EFR3A: variants seen among roughly 807,000 people sequenced by gnomAD.
EFR3A encodes protein EFR3 homolog A.
In EFR3A, 76 loss-of-function variants were observed where a neutral mutation model predicts 104.4. The ratio of observed to expected loss-of-function variants is 0.73; its 90% CI spans 0.60 to 0.88. The LOEUF (loss-of-function observed/expected upper bound fraction) is 0.88. Ranked by LOEUF, EFR3A falls within the 40% of genes least tolerant of loss-of-function variation. The pLI is 0.00. For synonymous variants in EFR3A, 330 were observed against 330.0 expected, an observed-to-expected ratio of 1.00 and a Z score of 0.00; for missense variants, 985 against 1,012.5, an observed-to-expected ratio of 0.97 and a Z score of 0.37.
At chr8:131,905,613 C>T (rs1473248547) in intron 1 of EFR3A, among the ~76,000 whole-genome samples, 1 of 152,066 alleles carries the variant, frequency 6.6e-6, no homozygotes, top group East Asian at 1.9e-4. Context: ...GACTTCGCAT[C>T]CAGTAAATAT....
intron 8 of EFR3A, among the ~76,000 whole-genome samples, chr8:131,961,923 G>T (rs1371226489): frequency 3.3e-5 from 5 of 152,244 alleles, no homozygotes; most frequent in East Asian, 3.9e-4. Flanking sequence ...TTAAAGAAAA[G>T]AATTTTCAAC....
At chr8:131,944,451 A>G (rs1175858916) in intron 2 of EFR3A, among the ~76,000 whole-genome samples, 1 of 152,096 alleles carries the variant, frequency 6.6e-6, no homozygotes, top group Admixed American at 6.6e-5. Flanking sequence ...TTTTACATCT[A>G]TATCCCATTC....
chr8:131,985,697 C>G (rs1286207994), intron 16 of EFR3A, among the ~76,000 whole-genome samples: 1 of 152,126 alleles, frequency 6.6e-6, no homozygotes, highest in Non-Finnish European at 1.5e-5. Flanking sequence ...ATTCATTAAT[C>G]AGACATTTGA....
chr8:132,004,163 A>G (rs879392948), intron 22 of EFR3A, among the ~76,000 whole-genome samples: 4 of 152,122 alleles, frequency 2.6e-5, no homozygotes, highest in Non-Finnish European at 5.9e-5. Flanking sequence ...CATTCCTGCT[A>G]TACTCTCTTA....
intron 1 of EFR3A, among the ~76,000 whole-genome samples, chr8:131,937,381 A>T (rs962837828): frequency 1.3e-5 from 2 of 152,138 alleles, no homozygotes; most frequent in Admixed American, 6.6e-5. Flanking sequence ...AGCTGTATTG[A>T]ATAGATTACT....
rs1047480468 is a variant in EFR3A, at chr8:131,949,903, A to C, written c.367-66A>C. Reference sequence around the variant, plus strand: ...TGCTTGTTAATATGACAGTGTATGAAATTAAATGTATTTGGTTCACACTTC... The same window carrying C: ...TGCTTGTTAATATGACAGTGTATGACATTAAATGTATTTGGTTCACACTTC... On this transcript the variant is annotated intron_variant, in intron 4 of 22. Coordinates refer to ENST00000254624, the MANE Select transcript of EFR3A (RefSeq NM_015137.6). 40 of 1,364,708 alleles carry C rather than the reference A, an allele frequency of 2.9e-5. 5 individuals are homozygous for C. In the Admixed American group the frequency reaches 7.2e-4, roughly 25 times the overall value. 84.5% of individuals were successfully genotyped at this position (1,364,708 alleles called of 1,614,324 possible).
intron 10 of EFR3A, among the ~76,000 whole-genome samples, chr8:131,970,987 A>G (rs1820023584): frequency 6.6e-6 from 1 of 152,048 alleles, no homozygotes; most frequent in Non-Finnish European, 1.5e-5. Context: ...ATATGTGGGA[A>G]TACACACATA....
intron 1 of EFR3A, among the ~76,000 whole-genome samples, chr8:131,922,660 A>G (rs1055600541): frequency 1.3e-5 from 2 of 152,130 alleles, no homozygotes; most frequent in Non-Finnish European, 2.9e-5. Context: ...TCTGACTAGT[A>G]AATGGACAGC....
intron 11 of EFR3A, among the ~76,000 whole-genome samples, chr8:131,976,779 T>G (rs1021957493): frequency 6.6e-6 from 1 of 152,146 alleles, no homozygotes; most frequent in Non-Finnish European, 1.5e-5. Context: ...GTTGTCTGTT[T>G]ATATGATTTA....
intron 5 of EFR3A, 108 bp from the exon 6 acceptor site, chr8:131,953,710 G>T: frequency 9.9e-7 from 1 of 1,007,036 alleles, no homozygotes; most frequent in Non-Finnish European, 1.3e-6. Context: ...ATATTTTATT[G>T]ATAAGATAAC....
intron 10 of EFR3A, among the ~76,000 whole-genome samples, chr8:131,972,057 G>A (rs1355969046): frequency 5.9e-5 from 9 of 152,100 alleles, no homozygotes; most frequent in Admixed American, 2.0e-4. Flanking sequence ...GCCTCTCAAT[G>A]TTCTATTGTA....
intron 1 of EFR3A, among the ~76,000 whole-genome samples, chr8:131,922,700 G>A (rs886184646): frequency 5.9e-5 from 9 of 152,122 alleles, no homozygotes; most frequent in African/African-American, 2.2e-4. Context: ...GTACTTGAGT[G>A]TGACAGCTGA....
intron 18 of EFR3A, among the ~76,000 whole-genome samples, chr8:131,994,582 G>C (rs568836103): frequency 6.6e-6 from 1 of 152,014 alleles, no homozygotes; most frequent in South Asian, 2.1e-4. Flanking sequence ...ATCTGTTTTA[G>C]AAAACTCTAT....
At chr8:131,984,496 A>C (rs547760476) in intron 15 of EFR3A, among the ~76,000 whole-genome samples, 196 bp downstream of exon 15, 1 of 152,308 alleles carries the variant, frequency 6.6e-6, no homozygotes, top group South Asian at 2.1e-4. Flanking sequence ...TGGTGTGCTA[A>C]ATATCCTTCA....
At chr8:131,956,008 T>C (rs1818970247) in intron 7 of EFR3A, 103 bp downstream of exon 7, 2 of 1,306,568 alleles carry the variant, frequency 1.5e-6, no homozygotes, top group Non-Finnish European at 2.1e-6. Context: ...ATGAGTGAGT[T>C]ATTAATGGAA....
intron 17 of EFR3A, among the ~76,000 whole-genome samples, 155 bp from the exon 18 acceptor site, chr8:131,987,420 A>G (rs1451764963): frequency 6.6e-6 from 1 of 152,190 alleles, no homozygotes; most frequent in African/African-American, 2.4e-5. Flanking sequence ...AGCTCAAATT[A>G]GTTGCCTAAA....
chr8:131,960,906 T>C (rs182052274), intron 8 of EFR3A, among the ~76,000 whole-genome samples: 97 of 152,294 alleles, frequency 6.4e-4, no homozygotes, highest in Non-Finnish European at 1.0e-3. Flanking sequence ...TGTTCACCTG[T>C]ATTCACTGTT....
intron 8 of EFR3A, among the ~76,000 whole-genome samples, chr8:131,964,253 A>G (rs1403536080): frequency 1.3e-5 from 2 of 151,992 alleles, no homozygotes; most frequent in Admixed American, 1.3e-4. Context: ...AATAAAGGGT[A>G]TTCAATTAGG....
At chr8:131,985,523 A>G (rs1820829124) in intron 16 of EFR3A, among the ~76,000 whole-genome samples, 1 of 152,192 alleles carries the variant, frequency 6.6e-6, no homozygotes, top group African/African-American at 2.4e-5. Flanking sequence ...GGTTATTTGC[A>G]TGACTTAATA....
Sources: allele counts gnomAD v4.1 joint callset (sites outside exome capture counted in the v4.1 genomes callset), GRCh38; gene constraint gnomAD v4.1.1; transcripts MANE v1.5; gene names NCBI Gene and HGNC (gene_info 2026-07-23, HGNC 2026-07-21).